PPIL2: variants seen among roughly 807,000 people sequenced by gnomAD.
PPIL2 encodes RING-type E3 ubiquitin-protein ligase PPIL2.
In PPIL2, 50 loss-of-function variants were observed where a neutral mutation model predicts 75.2. The ratio of observed to expected loss-of-function variants is 0.66; its 90% CI spans 0.53 to 0.84. The LOEUF (loss-of-function observed/expected upper bound fraction) is 0.84. PPIL2 is among the 40% of genes least tolerant of loss of function. The probability of loss-of-function intolerance (pLI) is 0.00; values close to 1 mark genes in which losing one functional copy is unlikely to be tolerated. For missense variants in PPIL2, 590 were observed against 685.0 expected, an observed-to-expected ratio of 0.86 and a Z score of 1.55; for synonymous variants, 245 against 258.8, an observed-to-expected ratio of 0.95 and a Z score of 0.51.
intron 6 of PPIL2, among the ~76,000 whole-genome samples, chr22:21,677,804 G>A (rs558241300): frequency 2.6e-5 from 4 of 152,218 alleles, no homozygotes; most frequent in Non-Finnish European, 5.9e-5. Context: ...GCATTCTGGT[G>A]GGGGAGAACA....
chr22:21,687,657 C>A lies in PPIL2; in HGVS notation c.912C>A (p.Cys304Ter). The part of the protein sequence containing the change: ...ELHCDLTPKT[C>*]ENFIRLCKKH... ...CTATGTTGCAGACACCAAAAACCTG[C>A]GAAAACTTCATCAGGCTTTGCAAGA... The change falls in exon 13 of 20, where the codon TGC becomes TGA. Residue 304 changes from cysteine to a stop codon, truncating the protein, a stop_gained. Transcript: ENST00000398831. LOFTEE classifies it high-confidence loss of function. 4 of 1,608,912 alleles carry A rather than the reference C, an allele frequency of 2.5e-6. No homozygotes were observed. The highest frequency in any genetic ancestry group is 3.4e-6 in the Non-Finnish European group (4 of 1,176,918).
intron 7 of PPIL2, among the ~76,000 whole-genome samples, chr22:21,681,758 G>T (rs2067139978): frequency 6.6e-6 from 1 of 152,258 alleles, no homozygotes; most frequent in Non-Finnish European, 1.5e-5. Context: ...GATCTGGATG[G>T]AGTCACTTGC....
At chr22:21,698,698 T>C (rs2068029909), downstream of PPIL2, 1 of 152,406 alleles carries the variant, frequency 6.6e-6, no homozygotes, top group Non-Finnish European at 1.5e-5. Flanking sequence ...GACAATTGAC[T>C]GAAGCCACAG....
At chr22:21,694,907 C>A in intron 18 of PPIL2, 30 bp from the exon 19 acceptor site, 1 of 1,608,472 alleles carries the variant, frequency 6.2e-7, no homozygotes, top group African/African-American at 1.3e-5. Flanking sequence ...CGAGGTGCTG[C>A]CGGTTAGCCA....
In PPIL2 at chr22:21,672,310, C is replaced by T; in HGVS notation, c.192-20C>T. The T allele has an allele frequency of 6.2e-7, 1 of 1,605,710 alleles. No individual in the cohort carries two copies. The highest frequency in any genetic ancestry group is 8.5e-7 in the Non-Finnish European group (1 of 1,172,642). On this transcript the variant is annotated intron_variant, in intron 4 of 19. Transcript: ENST00000398831. ...CGCCTAAGCACCCTGGTGATGCTTT[C>T]TGTTCTGTCTTCCCTTCAGGAACAT...
At chr22:21,687,848 G>T (rs2067440001) in intron 13 of PPIL2, 116 bp downstream of exon 13, 2 of 1,133,032 alleles carry the variant, frequency 1.8e-6, no homozygotes, top group African/African-American at 3.1e-5. Flanking sequence ...GCCAGGATGA[G>T]TCCAGTTGGT....
Position 21,683,173 on chromosome 22 carries a change from T to C in PPIL2, c.478-9T>C. 1.2e-6 allele frequency: 2 copies of C among 1,610,288 alleles called. No homozygotes were observed. Among genetic ancestry groups the C allele is most frequent in the Non-Finnish European group, 8.5e-7 (1 of 1,176,498 alleles). Reference sequence around the variant, plus strand: ...GTTCACTCTGCTGGGCATTCTCTTTTTGCCACAGGACCCCACCAATTTGGA... The same window carrying C: ...GTTCACTCTGCTGGGCATTCTCTTTCTGCCACAGGACCCCACCAATTTGGA... On this transcript the variant is annotated splice_polypyrimidine_tract_variant and intron_variant, in intron 8 of 19. Transcript: ENST00000398831.
downstream of PPIL2, chr22:21,699,568 G>A (rs1181404888): frequency 6.6e-6 from 1 of 152,564 alleles, no homozygotes; most frequent in African/African-American, 2.4e-5. Flanking sequence ...AGTGACATGG[G>A]ACAGCACCAC....
chr22:21,697,196 GAC>G lies in PPIL2; in HGVS notation c.*1710_*1711del. ...GGCCTGCAGAGGAGGGGCACAGTAG[GAC>G]ACAGTGACTGCCCAGGTGTCCACAC... On this transcript the variant is annotated 3_prime_UTR_variant, in exon 20 of 20. Transcript: ENST00000398831. 1 of 592,192 alleles carries G rather than the reference GAC, an allele frequency of 1.7e-6. No individual in the cohort carries two copies. The highest frequency in any genetic ancestry group is 2.0e-5 in the South Asian group (1 of 50,484). 36.7% of individuals were successfully genotyped at this position (592,192 alleles called of 1,614,324 possible).
intron 15 of PPIL2, among the ~76,000 whole-genome samples, chr22:21,692,363 CG>C (rs1555900235): frequency 6.6e-6 from 1 of 151,244 alleles, no homozygotes; most frequent in Non-Finnish European, 1.5e-5. Context: ...ACCGTGTTAG[CG>C]AGGATGGTCT....
intron 10 of PPIL2, 51 bp from the exon 11 acceptor site, chr22:21,686,432 C>A (rs2067364426): frequency 6.4e-7 from 1 of 1,559,626 alleles, no homozygotes; most frequent in East Asian, 2.2e-5. Context: ...ACGTCCCCAC[C>A]CAACTGCCTC....
chr22:21,671,097 G>T, intron 4 of PPIL2, 38 bp downstream of exon 4: 1 of 1,567,450 alleles, frequency 6.4e-7, no homozygotes, highest in Non-Finnish European at 8.8e-7. Flanking sequence ...ACAAATGTGA[G>T]ATTCTCAACA....
chr22:21,677,449 C>T (rs1000131533), intron 6 of PPIL2, among the ~76,000 whole-genome samples: 2 of 152,286 alleles, frequency 1.3e-5, no homozygotes, highest in African/African-American at 4.8e-5. Context: ...AATCCCGGCA[C>T]CTCGGGAGGC....
intron 15 of PPIL2, among the ~76,000 whole-genome samples, chr22:21,693,571 TGGGCAGCAGCCG>T (rs956114218): frequency 2.0e-5 from 3 of 152,132 alleles, no homozygotes; most frequent in African/African-American, 4.8e-5. Context: ...TGACAGGCAG[TGGGCAGCAGCCG>T]GGGCAGCAGG....
At chr22:21,680,932 G>A (rs536524369) in intron 6 of PPIL2, among the ~76,000 whole-genome samples, 2 of 151,966 alleles carry the variant, frequency 1.3e-5, no homozygotes, top group East Asian at 1.9e-4. Context: ...GGGGGCTGGC[G>A]GAGGATGTGG....
At position 21,697,125 on chromosome 22, in the gene PPIL2, C is replaced by A; in HGVS notation, c.*1635C>A. The stretch of plus-strand genomic sequence containing the variant: ...GCACTGTCCTCCGCAAGGCCTGGTG[C>A]AGCCCTGGCAGTAACTGGCTTGTAA... On this transcript the variant is annotated 3_prime_UTR_variant, in exon 20 of 20. Transcript: ENST00000398831. The A allele has an allele frequency of 1.1e-6, 1 of 875,900 alleles. No individual in the cohort carries two copies. Among genetic ancestry groups the A allele is most frequent in the Non-Finnish European group, 1.7e-6 (1 of 583,844 alleles). 54.3% of individuals were successfully genotyped at this position (875,900 alleles called of 1,614,324 possible).
intron 6 of PPIL2, among the ~76,000 whole-genome samples, chr22:21,675,687 C>G (rs1264167897): frequency 2.0e-5 from 3 of 152,230 alleles, no homozygotes; most frequent in Non-Finnish European, 4.4e-5. Flanking sequence ...ACAGTTGGAT[C>G]TGCAGGGCAT....
intron 14 of PPIL2, among the ~76,000 whole-genome samples, chr22:21,688,373 C>T (rs867902387): frequency 1.3e-5 from 2 of 152,208 alleles, no homozygotes; most frequent in Non-Finnish European, 2.9e-5. Flanking sequence ...TGAGGCCAGC[C>T]CTCCCTCCTG....
At position 21,693,855 on chromosome 22, in the gene PPIL2, G is replaced by A. The variant is rs1420581974; in HGVS notation, c.1179G>A (p.Lys393=). ...GCTCCTGTGCCTACCTGGACAAGAA[G>A]CATACCATCTTTGGACGGTAAGGGA... ...TFRSCAYLDK[K]HTIFGRVVGG... Residue 393 remains lysine (K), a synonymous_variant, in exon 16 of 20, where the codon AAG becomes AAA. Coordinates refer to ENST00000398831, the MANE Select transcript of PPIL2 (RefSeq NM_014337.4). 2 of 1,546,480 alleles carry A rather than the reference G, an allele frequency of 1.3e-6. No individual in the cohort carries two copies. The highest frequency in any genetic ancestry group is 1.1e-5 in the South Asian group (1 of 89,670).
Sources: gnomAD v4.1 joint callset for allele counts (sites outside exome capture counted in the v4.1 genomes callset) on GRCh38, gnomAD v4.1.1 for gene constraint, MANE v1.5 for transcripts, NCBI Gene and HGNC (gene_info 2026-07-23, HGNC 2026-07-21) for gene names.